Variants in GPC6 observed in about 807,000 individuals in gnomAD.
The protein encoded by GPC6 is glypican 6, also known as glypican-6.
A neutral mutation model predicts 55.2 loss-of-function variants in GPC6; 14 were observed. The ratio of observed to expected loss-of-function variants is 0.25; its 90% CI spans 0.17 to 0.40. The LOEUF (loss-of-function observed/expected upper bound fraction) is 0.40. GPC6 is among the 10% of genes least tolerant of loss of function. The pLI is 1.00. For synonymous variants in GPC6, 278 were observed against 259.6 expected (o/e 1.07, Z -0.68); for missense variants, 641 against 708.5 (o/e 0.90, Z 1.08).
At chr13:93,563,610 G>A (rs1297596186) in intron 2 of GPC6, among the ~76,000 whole-genome samples, 1 of 152,020 alleles carries the variant, frequency 6.6e-6, no homozygotes, top group Non-Finnish European at 1.5e-5. Context: ...AAACGAGACA[G>A]GACCAACTGG....
At chr13:94,071,441 A>G (rs1884732480) in intron 4 of GPC6, among the ~76,000 whole-genome samples, 1 of 152,146 alleles carries the variant, frequency 6.6e-6, no homozygotes, top group Admixed American at 6.5e-5. Context: ...ATGTTTTGGG[A>G]AGCTTTGTGT....
At chr13:93,367,055 C>T (rs1296936952) in intron 1 of GPC6, among the ~76,000 whole-genome samples, 1 of 152,052 alleles carries the variant, frequency 6.6e-6, no homozygotes, top group African/African-American at 2.4e-5. Context: ...AGCTCATTTA[C>T]TCTTTATGCT....
chr13:94,087,163 A>C (rs1026460825), intron 4 of GPC6, among the ~76,000 whole-genome samples: 2 of 152,252 alleles, frequency 1.3e-5, no homozygotes, highest in Non-Finnish European at 1.5e-5. Flanking sequence ...GATGGTGTTC[A>C]TACATGCTCC....
intron 1 of GPC6, among the ~76,000 whole-genome samples, chr13:93,457,226 A>C (rs1277996378): frequency 6.6e-6 from 1 of 152,150 alleles, no homozygotes; most frequent in African/African-American, 2.4e-5. Flanking sequence ...TTCTCCCTCT[A>C]TGTGTGTCTG....
intron 2 of GPC6, among the ~76,000 whole-genome samples, chr13:93,726,115 CA>C (rs1883628652): frequency 7.3e-6 from 1 of 136,982 alleles, no homozygotes; most frequent in African/African-American, 2.6e-5. Context: ...CACACACACA[CA>C]CACACACACA....
chr13:93,798,910 C>A, intron 2 of GPC6, among the ~76,000 whole-genome samples: 1 of 99,232 alleles, frequency 1.0e-5, no homozygotes, highest in African/African-American at 4.2e-5. Flanking sequence ...CAGAGCAAGA[C>A]TCTGTCTCAA....
chr13:93,933,525 AT>A (rs142727704), intron 3 of GPC6, among the ~76,000 whole-genome samples: 7,532 of 149,008 alleles, frequency 0.051, 407 homozygotes, highest in African/African-American at 0.13. Context: ...TTTTGCTTCC[AT>A]TTTTTTTTTC....
chr13:93,564,621 A>G (rs1052476919), intron 2 of GPC6, among the ~76,000 whole-genome samples: 1 of 152,132 alleles, frequency 6.6e-6, no homozygotes, highest in Non-Finnish European at 1.5e-5. Context: ...GTCAAAACCA[A>G]TGTTAAAGCA....
At chr13:93,709,058 GC>G (rs1368336486) in intron 2 of GPC6, among the ~76,000 whole-genome samples, 1 of 151,776 alleles carries the variant, frequency 6.6e-6, no homozygotes, top group Admixed American at 6.6e-5. Flanking sequence ...CAGTTAAGAT[GC>G]ACAAATTAAG....
chr13:93,871,197 CACTT>C (rs1479658789), intron 3 of GPC6, among the ~76,000 whole-genome samples: 1 of 151,890 alleles, frequency 6.6e-6, no homozygotes, highest in African/African-American at 2.4e-5. Context: ...CTGACTTTGT[CACTT>C]ACAATTTGTC....
intron 1 of GPC6, among the ~76,000 whole-genome samples, chr13:93,382,980 C>T (rs1594132584): frequency 6.6e-6 from 1 of 152,176 alleles, no homozygotes; most frequent in East Asian, 1.9e-4. Context: ...AAGTTGGTAC[C>T]ATATTTCCAG....
chr13:93,856,694 T>A (rs1888623103), intron 3 of GPC6, among the ~76,000 whole-genome samples: 1 of 151,620 alleles, frequency 6.6e-6, no homozygotes, highest in South Asian at 2.1e-4. Context: ...AACATCATTC[T>A]ATGCAGATGG....
At chr13:93,288,757 A>G (rs1594075510) in intron 1 of GPC6, among the ~76,000 whole-genome samples, 2 of 152,352 alleles carry the variant, frequency 1.3e-5, no homozygotes, top group East Asian at 1.9e-4. Flanking sequence ...TGGATAACCA[A>G]TGAGTGACCT....
chr13:93,255,856 G>A (rs1876933776), intron 1 of GPC6, among the ~76,000 whole-genome samples: 1 of 152,124 alleles, frequency 6.6e-6, no homozygotes, highest in Admixed American at 6.5e-5. Context: ...TACATAAGCT[G>A]GGCCCTGTGG....
At chr13:94,350,916 C>T (rs1054668629) in intron 6 of GPC6, among the ~76,000 whole-genome samples, 1 of 152,128 alleles carries the variant, frequency 6.6e-6, no homozygotes, top group African/African-American at 2.4e-5. Context: ...AGGAAATTGG[C>T]ATTGGGAGAG....
rs78117655 is a variant in GPC6 at position 93,417,078 on chromosome 13, T to A, written c.161-128185T>A. Among the ~76,000 whole-genome samples the A allele has an allele frequency of 6.1e-3, 921 of 152,212 alleles. 5 individuals are homozygous for A. The highest frequency in any genetic ancestry group is 0.021 in the African/African-American group (886 of 41,564). ...CATTGCTCTGTTTTTATTGTGTCTG[T>A]CTTATTTTAGAAACATATGTTTTAG... On this transcript the variant is annotated intron_variant, in intron 1 of 8. Transcript: ENST00000377047.
rs185536024 is a variant in GPC6, at chr13:93,440,940, C to T, written c.161-104323C>T. On this transcript the variant is annotated intron_variant, in intron 1 of 8. Transcript: ENST00000377047. ...ATTCCCACCTATGAGTGAGAACATGCGGTATTTGGTTTTTTGTCCTTGTGA... is the reference window on the plus strand; with the variant it reads ...ATTCCCACCTATGAGTGAGAACATGTGGTATTTGGTTTTTTGTCCTTGTGA... Among the ~76,000 whole-genome samples the T allele has an allele frequency of 9.9e-5, 15 of 150,988 alleles. No homozygotes were observed. In the East Asian group the frequency reaches 2.6e-3, roughly 26 times the overall value.
At chr13:94,291,252 C>T (rs201201052) in intron 5 of GPC6, among the ~76,000 whole-genome samples, 1 of 151,898 alleles carries the variant, frequency 6.6e-6, no homozygotes, top group East Asian at 1.9e-4. Context: ...TAAGAGTCCA[C>T]TCACATGAGA....
At chr13:93,794,323 T>C (rs547792944) in intron 2 of GPC6, among the ~76,000 whole-genome samples, 1 of 152,310 alleles carries the variant, frequency 6.6e-6, no homozygotes, top group African/African-American at 2.4e-5. Flanking sequence ...TTGGTAGAAA[T>C]GCAAATTCTC....
Sources: allele counts gnomAD v4.1 joint callset (sites outside exome capture counted in the v4.1 genomes callset), GRCh38; gene constraint gnomAD v4.1.1; transcripts MANE v1.5; gene names NCBI Gene and HGNC (gene_info 2026-07-23, HGNC 2026-07-21).